The following MYH13 variants were observed in gnomAD, a reference collection of about 807,000 sequenced individuals.
MYH13 encodes the protein myosin heavy chain 13.
MYH13 carries 177 observed loss-of-function variants against 232.1 expected under a neutral mutation model. The ratio of observed to expected loss-of-function variants is 0.76; its 90% CI spans 0.67 to 0.86. The LOEUF is 0.86. MYH13 is among the 40% of genes least tolerant of loss of function. The pLI is 0.00. For synonymous variants in MYH13, 884 were observed against 923.5 expected, an observed-to-expected ratio of 0.96 and a Z score of 0.78; for missense variants, 2,246 against 2,405.9, an observed-to-expected ratio of 0.93 and a Z score of 1.39.
intron 30 of MYH13, 47 bp from the exon 31 acceptor site, chr17:10,312,804 T>C (rs1188528333): frequency 6.4e-7 from 1 of 1,560,026 alleles, no homozygotes; most frequent in African/African-American, 1.4e-5. Flanking sequence ...GGTGGAATAT[T>C]TCAGTAGGTA....
At chr17:10,363,456 T>C (rs1208552362) in intron 3 of MYH13, among the ~76,000 whole-genome samples, 2 of 152,056 alleles carry the variant, frequency 1.3e-5, no homozygotes, top group Non-Finnish European at 2.9e-5. Context: ...GTTTTGCTGG[T>C]ATAGACCAAA....
At chr17:10,301,745 C>T (rs780000508) in intron 39 of MYH13, 42 bp from the exon 40 acceptor site, 1 of 1,606,124 alleles carries the variant, frequency 6.2e-7, no homozygotes, top group Non-Finnish European at 8.5e-7. Flanking sequence ...TAGAGCCTCT[C>T]AGTCCGATTA....
At chr17:10,305,316 G>A (rs957215484) in intron 37 of MYH13, among the ~76,000 whole-genome samples, 16 of 152,156 alleles carry the variant, frequency 1.1e-4, no homozygotes, top group African/African-American at 3.9e-4. Flanking sequence ...AGAAGAACAG[G>A]CCTAAACTCA....
rs1906283924 is a variant in MYH13 at position 10,306,302 on chromosome 17, G to A, written c.5466+157C>T. On this transcript the variant is annotated intron_variant, in intron 37 of 40. Transcript: ENST00000252172. This position sits in a 1 kb window ranked among gnomAD's most constrained non-coding sequence, Gnocchi z 4.3. ...CATAGGAACAGGTGAAACAGAAAGAGGTGAGAAATGAAGCTCACAGGGAAT... is the reference window on the plus strand; with the variant it reads ...CATAGGAACAGGTGAAACAGAAAGAAGTGAGAAATGAAGCTCACAGGGAAT... Among the ~76,000 whole-genome samples, 1 of 150,314 alleles carries A rather than the reference G, an allele frequency of 6.7e-6. No homozygotes were observed. The highest frequency in any genetic ancestry group is 6.7e-5 in the Admixed American group (1 of 14,986).
Position 10,306,317 on chromosome 17 carries a change from T to C in MYH13, c.5466+142A>G. 1.8e-6 allele frequency: 2 copies of C among 1,131,086 alleles called. No homozygotes were observed. The highest frequency in any genetic ancestry group is 2.5e-6 in the Non-Finnish European group (2 of 793,430). The allele number at this position is 1,131,086 out of a possible 1,614,324, so 70.1% of individuals were successfully genotyped here. On this transcript the variant is annotated intron_variant, in intron 37 of 40. Transcript: ENST00000252172. The surrounding 1 kb of genome is among the most constrained non-coding windows in gnomAD (Gnocchi z 4.3). ...AACAGAAAGAGGTGAGAAATGAAGC[T>C]CACAGGGAATTTTTCAAGCAGTCCT...
intron 11 of MYH13, among the ~76,000 whole-genome samples, chr17:10,353,142 G>C (rs1476724243): frequency 6.6e-6 from 1 of 152,184 alleles, no homozygotes; most frequent in Admixed American, 6.5e-5. Flanking sequence ...AGCTGTTTCT[G>C]TATGTCACTT....
chr17:10,337,698 A>G (rs2071586227), intron 18 of MYH13, among the ~76,000 whole-genome samples: 1 of 152,226 alleles, frequency 6.6e-6, no homozygotes, highest in Non-Finnish European at 1.5e-5. Context: ...GGTAGGTGCC[A>G]GAGCTAAGGA....
rs1461206149 is a variant in MYH13, at chr17:10,312,762, G to A, written c.4182-5C>T. The A allele has an allele frequency of 7.5e-6, 12 of 1,600,020 alleles. No homozygotes were observed. Among genetic ancestry groups the A allele is most frequent in the South Asian group, 1.1e-5 (1 of 87,888 alleles). On this transcript the variant is annotated splice_region_variant and splice_polypyrimidine_tract_variant and intron_variant, in intron 30 of 40. Transcript: ENST00000252172. Reference sequence around the variant, plus strand: ...AGCCTCTGGGCCAGTTTTTTCCTACGAAAACCAGATTTTTTTTTTCCCCTT... The same window carrying A: ...AGCCTCTGGGCCAGTTTTTTCCTACAAAAACCAGATTTTTTTTTTCCCCTT...
chr17:10,364,239 G>T, intron 3 of MYH13, 88 bp downstream of exon 3: 2 of 1,361,760 alleles, frequency 1.5e-6, no homozygotes, highest in Admixed American at 4.0e-5. Context: ...TTCAGATTCC[G>T]AAGGACCAGC....
chr17:10,323,780 AAAAAAAAAAGAAGAAG>A (rs1342170583), intron 23 of MYH13, among the ~76,000 whole-genome samples: 140 of 59,498 alleles, frequency 2.4e-3, no homozygotes, highest in South Asian at 0.014. Context: ...AAAAAAAAAA[AAAAAAAAAAGAAGAAG>A]AAGAAGAAGA....
intron 24 of MYH13, 101 bp downstream of exon 24, chr17:10,321,431 C>A: frequency 8.4e-7 from 1 of 1,189,148 alleles, no homozygotes; most frequent in South Asian, 1.6e-5. Context: ...GATGCTGATT[C>A]CAGAGTCTGA....
In MYH13 at chr17:10,343,990, G is replaced by T. The variant is rs1403182683; in HGVS notation, c.1704C>A (p.Pro568=). 1.2e-6 allele frequency: 2 copies of T among 1,614,214 alleles called. No individual in the cohort carries two copies. The highest frequency in any genetic ancestry group is 2.2e-5 in the South Asian group (2 of 91,084). Residue 568 remains proline (P), a synonymous_variant, in exon 16 of 41, where the codon CCC becomes CCA. Coordinates refer to ENST00000252172, the MANE Select transcript of MYH13 (RefSeq NM_003802.3). The part of the protein sequence containing the change: ...HLGKSNNFQK[P]KPAKGKAEAH... ...CCTCAGCCTTGCCTTTGGCAGGCTT[G>T]GGCTTCTGGAAGTTGTTGGATTTTC... is the stretch of plus-strand genomic sequence containing the variant.
chr17:10,353,725 A>C lies in MYH13; in HGVS notation c.1005+955T>G, dbSNP rs961856470. The stretch of plus-strand genomic sequence containing the variant: ...ACTAAAAATACACACACACAAAATT[A>C]GCCAGGCATGGTGGTGCATGCCTTG... On this transcript the variant is annotated intron_variant, in intron 11 of 40. Coordinates refer to ENST00000252172, the MANE Select transcript of MYH13 (RefSeq NM_003802.3). Among the ~76,000 whole-genome samples the C allele has an allele frequency of 7.9e-5, 12 of 152,068 alleles. No individual in the cohort carries two copies. The East Asian group carries it at 2.3e-3, about 29-fold the overall frequency.
At chr17:10,322,686 T>C (rs978102004) in intron 23 of MYH13, among the ~76,000 whole-genome samples, 1 of 140,016 alleles carries the variant, frequency 7.1e-6, no homozygotes, top group African/African-American at 2.7e-5. Flanking sequence ...CAGGCTGGAG[T>C]GCAGTGGCGC....
chr17:10,365,484 A>G (rs1435200524), intron 2 of MYH13, among the ~76,000 whole-genome samples: 1 of 152,186 alleles, frequency 6.6e-6, no homozygotes, highest in Non-Finnish European at 1.5e-5. Context: ...GTAGGCCTGA[A>G]GTGGGGCCCA....
At position 10,360,005 on chromosome 17, in the gene MYH13, T is replaced by C; in HGVS notation, c.600A>G (p.Ala200=). 1 of 1,614,108 alleles carries C rather than the reference T, an allele frequency of 6.2e-7. No homozygotes were observed. The highest frequency in any genetic ancestry group is 2.2e-5 in the East Asian group (1 of 44,878). ...TCTCCTTCTTCTTGTCCCCGGTAAC[T>C]GCAATTGTTGCAAAATACTGGATGA... ...KRVIQYFATI[A]VTGDKKKETQ... The change falls in exon 7 of 41, where the codon GCA becomes GCG. Residue 200 remains alanine, a synonymous_variant. Coordinates refer to ENST00000252172, the MANE Select transcript of MYH13 (RefSeq NM_003802.3).
Position 10,306,439 on chromosome 17 carries a change from A to C in MYH13, c.5466+20T>G, listed in dbSNP as rs768542154. 3.7e-6 allele frequency: 6 copies of C among 1,614,086 alleles called. No individual in the cohort carries two copies. In the Admixed American group the frequency reaches 1.0e-4, roughly 27 times the overall value. ...CCGAGGCTGTCACTTTCAGAGTAAC[A>C]GTCCTCTCAAAAACTCTACCCGGTT... On this transcript the variant is annotated intron_variant, in intron 37 of 40. Coordinates refer to ENST00000252172, the MANE Select transcript of MYH13 (RefSeq NM_003802.3). This position sits in a 1 kb window ranked among gnomAD's most constrained non-coding sequence, Gnocchi z 4.3.
intron 16 of MYH13, among the ~76,000 whole-genome samples, chr17:10,342,787 A>G (rs2071627918): frequency 6.6e-6 from 1 of 152,142 alleles, no homozygotes; most frequent in Non-Finnish European, 1.5e-5. Flanking sequence ...GCCAGAGGCT[A>G]GGGATAGAAA....
At chr17:10,366,661 G>A (rs2071840631) in intron 2 of MYH13, among the ~76,000 whole-genome samples, 2 of 152,238 alleles carry the variant, frequency 1.3e-5, no homozygotes, top group East Asian at 3.9e-4. Context: ...GATTACAGGT[G>A]TAAGCCTCCA....
Sources: allele counts gnomAD v4.1 joint callset (sites outside exome capture counted in the v4.1 genomes callset), GRCh38; gene constraint gnomAD v4.1.1; non-coding constraint Gnocchi (gnomAD v3.1); transcripts MANE v1.5; gene names NCBI Gene and HGNC (gene_info 2026-07-23, HGNC 2026-07-21).